SUCO: variants seen among roughly 807,000 people sequenced by gnomAD.
SUCO encodes the protein SUN domain containing ossification factor.
A neutral mutation model predicts 148.1 loss-of-function variants in SUCO; 57 were observed. That is an observed-to-expected ratio of 0.38 (90% CI 0.31 to 0.48). SUCO has a LOEUF of 0.48. Among genes scored for constraint, SUCO ranks in the 20% least tolerant of loss-of-function variants. SUCO has a pLI of 0.96. For synonymous variants in SUCO, 470 were observed against 502.7 expected, an observed-to-expected ratio of 0.93 and a Z score of 0.87; for missense variants, 1,331 against 1,468.2, an observed-to-expected ratio of 0.91 and a Z score of 1.53.
chr1:172,551,620 G>C lies in SUCO; in HGVS notation c.171G>C (p.Gln57His). Residue 57 changes from glutamine (Q) to histidine (H), a missense_variant, in exon 2 of 24, where the codon CAG becomes CAC. Physicochemically the swap from Gln to His is conservative, Grantham distance 24. Coordinates refer to ENST00000263688, the MANE Select transcript of SUCO (RefSeq NM_014283.5). ...CALENEDVQF[Q>H]KKDEREGPIN... ...TAGAAAATGAAGATGTACAATTCCAGAAAAAGGTGCCTTAAATAAAGTTAA... is the reference window on the plus strand; with the variant it reads ...TAGAAAATGAAGATGTACAATTCCACAAAAAGGTGCCTTAAATAAAGTTAA... 1 of 1,590,292 alleles carries C rather than the reference G, an allele frequency of 6.3e-7. No individual in the cohort carries two copies. The highest frequency in any genetic ancestry group is 8.6e-7 in the Non-Finnish European group (1 of 1,163,454).
At chr1:172,565,033 A>G (rs1461196397) in intron 6 of SUCO, among the ~76,000 whole-genome samples, 1 of 152,222 alleles carries the variant, frequency 6.6e-6, no homozygotes, top group African/African-American at 2.4e-5. Context: ...TTTATACCAT[A>G]CAATAAGCTC....
intron 2 of SUCO, 166 bp downstream of exon 2, chr1:172,551,792 G>T (rs574102791): frequency 3.4e-5 from 19 of 553,420 alleles, no homozygotes; most frequent in African/African-American, 2.1e-4. Context: ...TGACGGCTCA[G>T]AGATATTTAT....
chr1:172,543,177 G>A (rs1032084460), intron 1 of SUCO: 2 of 221,802 alleles, frequency 9.0e-6, no homozygotes, highest in Non-Finnish European at 1.5e-5. Flanking sequence ...AAGGCTCCTT[G>A]AAGGATAAAA....
chr1:172,535,580 C>T (rs1651951374), intron 1 of SUCO, among the ~76,000 whole-genome samples: 1 of 152,122 alleles, frequency 6.6e-6, no homozygotes, highest in Non-Finnish European at 1.5e-5. Context: ...ATTTCTTTTC[C>T]CAACAACCTC....
chr1:172,583,558 C>T (rs1359756098), intron 15 of SUCO, among the ~76,000 whole-genome samples: 1 of 152,140 alleles, frequency 6.6e-6, no homozygotes, highest in Non-Finnish European at 1.5e-5. Flanking sequence ...TACTTGCAAC[C>T]TTCCTGATGT....
intron 15 of SUCO, among the ~76,000 whole-genome samples, chr1:172,581,467 T>C (rs1470393596): frequency 6.6e-6 from 1 of 152,182 alleles, no homozygotes; most frequent in Non-Finnish European, 1.5e-5. Flanking sequence ...CATAAAACTT[T>C]ATAGACTTGG....
rs1025580636 is a variant in SUCO at position 172,533,211 on chromosome 1, C to T, written c.-225C>T. The T allele has an allele frequency of 2.0e-6, 3 of 1,518,842 alleles. No homozygotes were observed. Among genetic ancestry groups the T allele is most frequent in the Middle Eastern group, 2.3e-4 (1 of 4,298 alleles). 94.1% of individuals were successfully genotyped at this position (1,518,842 alleles called of 1,614,324 possible). On this transcript the variant is annotated 5_prime_UTR_variant, in exon 1 of 24. Transcript: ENST00000263688. The stretch of plus-strand genomic sequence containing the variant: ...GACGAGCCGGTGGCTGCAGCGGCGG[C>T]GGTCCCCGGAGTCCTGTGAAGCGCC...
chr1:172,590,422 A>G, intron 18 of SUCO: 1 of 945,688 alleles, frequency 1.1e-6, no homozygotes, highest in Non-Finnish European at 1.3e-6. Flanking sequence ...TAGTTGTAAT[A>G]ATTTCTGCTT....
At chr1:172,583,915 T>C (rs979118626) in intron 15 of SUCO, among the ~76,000 whole-genome samples, 5 of 152,246 alleles carry the variant, frequency 3.3e-5, no homozygotes, top group African/African-American at 1.2e-4. Context: ...TATGTAGATA[T>C]TGAGGTTTGT....
intron 3 of SUCO, among the ~76,000 whole-genome samples, chr1:172,555,576 A>T (rs563701462): frequency 6.6e-6 from 1 of 152,300 alleles, no homozygotes; most frequent in East Asian, 1.9e-4. Context: ...TTCATCAATT[A>T]GAGAAGAGGG....
chr1:172,577,750 C>G lies in SUCO; in HGVS notation c.1285-14C>G. On this transcript the variant is annotated splice_polypyrimidine_tract_variant and intron_variant, in intron 12 of 23. Transcript: ENST00000263688. ...CTCTGCTGGCTTCCCATTTTATGTGCTTTTATTCTTTAGGTTGAGTTGCTA... is the reference window on the plus strand; with the variant it reads ...CTCTGCTGGCTTCCCATTTTATGTGGTTTTATTCTTTAGGTTGAGTTGCTA... 1 of 1,610,272 alleles carries G rather than the reference C, an allele frequency of 6.2e-7. No individual in the cohort carries two copies. Among genetic ancestry groups the G allele is most frequent in the Non-Finnish European group, 8.5e-7 (1 of 1,177,860 alleles).
upstream of SUCO, chr1:172,532,672 A>G: frequency 6.2e-7 from 1 of 1,614,056 alleles, no homozygotes; most frequent in Non-Finnish European, 8.5e-7. Context: ...GTGAGCAGCG[A>G]AACTATAGAC....
chr1:172,609,037 A>G (rs1469511692), intron 23 of SUCO, among the ~76,000 whole-genome samples: 1 of 152,104 alleles, frequency 6.6e-6, no homozygotes, highest in Non-Finnish European at 1.5e-5. Flanking sequence ...AAAACAGAAC[A>G]GCATGCAAGA....
At chr1:172,568,305 T>TGG in intron 6 of SUCO, 10 of 905,972 alleles carry the variant, frequency 1.1e-5, no homozygotes, top group Non-Finnish European at 1.3e-5. Context: ...ATTCTTTGCT[T>TGG]CCCACCCACC....
intron 1 of SUCO, among the ~76,000 whole-genome samples, chr1:172,540,516 G>A (rs901212991): frequency 3.3e-5 from 5 of 152,104 alleles, no homozygotes; most frequent in African/African-American, 9.7e-5. Flanking sequence ...TTTTTTATAT[G>A]TCTAACATTC....
At chr1:172,606,799 G>A (rs1196263112) in intron 22 of SUCO, among the ~76,000 whole-genome samples, 1 of 151,594 alleles carries the variant, frequency 6.6e-6, no homozygotes, top group Non-Finnish European at 1.5e-5. Flanking sequence ...GATATTCCCT[G>A]TGCCCCAGTC....
At chr1:172,599,766 A>G (rs867240151) in intron 19 of SUCO, among the ~76,000 whole-genome samples, 3 of 152,236 alleles carry the variant, frequency 2.0e-5, no homozygotes, top group Middle Eastern at 3.2e-3. Flanking sequence ...TATGGAACAC[A>G]TGTTAATTTG....
At chr1:172,536,491 C>T (rs1034292947) in intron 1 of SUCO, among the ~76,000 whole-genome samples, 2 of 152,146 alleles carry the variant, frequency 1.3e-5, no homozygotes, top group African/African-American at 2.4e-5. Flanking sequence ...ATTATTCAAC[C>T]ACATTTTGTT....
chr1:172,607,458 T>A (rs1346130157), intron 22 of SUCO, among the ~76,000 whole-genome samples: 1 of 151,588 alleles, frequency 6.6e-6, no homozygotes, highest in Non-Finnish European at 1.5e-5. Flanking sequence ...CTTATTACAC[T>A]AAACTTTGGG....
Sources: gnomAD v4.1 joint callset for allele counts (sites outside exome capture counted in the v4.1 genomes callset) on GRCh38, gnomAD v4.1.1 for gene constraint, MANE v1.5 for transcripts, NCBI Gene and HGNC (gene_info 2026-07-23, HGNC 2026-07-21) for gene names.